Variants in SFMBT1 observed in about 807,000 individuals in gnomAD.
SFMBT1 encodes Scm like with four mbt domains 1.
SFMBT1 carries 32 observed loss-of-function variants against 108.7 expected under a neutral mutation model. That is an observed-to-expected ratio of 0.29 (90% CI 0.22 to 0.40). The LOEUF (loss-of-function observed/expected upper bound fraction) is 0.40, where lower values mean the gene tolerates loss of function less well. Among genes scored for constraint, SFMBT1 ranks in the 10% least tolerant of loss-of-function variants. The pLI, the probability that SFMBT1 is intolerant of heterozygous loss-of-function variation, is 1.00. For missense variants in SFMBT1, 816 were observed against 1,059.6 expected (o/e 0.77, Z 3.19); for synonymous variants, 348 against 369.5 (o/e 0.94, Z 0.67).
Position 52,954,891 on chromosome 3 carries a change from C to G in SFMBT1, c.29-480G>C, listed in dbSNP as rs367551169. ...AAAAAGTGTCATTATCCTTGCCCCC[C>G]TCCCTTTTTCTCCATACCTTATATC... On this transcript the variant is annotated intron_variant, in intron 2 of 20. Coordinates refer to ENST00000394752, the MANE Select transcript of SFMBT1 (RefSeq NM_016329.4). 3.8e-3 allele frequency among the ~76,000 whole-genome samples: 572 copies of G among 151,982 alleles called. 37 individuals carry two copies. In the South Asian group the frequency reaches 0.11, roughly 30 times the overall value.
intron 2 of SFMBT1, among the ~76,000 whole-genome samples, chr3:52,959,176 G>T (rs1043570673): frequency 1.3e-5 from 2 of 152,108 alleles, no homozygotes; most frequent in Non-Finnish European, 2.9e-5. Context: ...TGTATACTGG[G>T]CTTAATACCT....
intron 1 of SFMBT1, among the ~76,000 whole-genome samples, chr3:53,003,357 T>C (rs1219217269): frequency 6.7e-6 from 1 of 149,890 alleles, no homozygotes; most frequent in Non-Finnish European, 1.5e-5. Context: ...GTATTACGGC[T>C]TAAAAAGTCA....
intron 14 of SFMBT1, 48 bp from the exon 15 acceptor site, chr3:52,913,665 C>T: frequency 6.3e-7 from 1 of 1,593,736 alleles, no homozygotes; most frequent in Non-Finnish European, 8.5e-7. Context: ...TTCTCTACCC[C>T]ACGTTTCCAA....
In SFMBT1 at chr3:52,907,639, C is replaced by T. The variant is rs756266832; in HGVS notation, c.2001G>A (p.Arg667=). Residue 667 remains arginine (R), a synonymous_variant, in exon 18 of 21, where the codon AGG becomes AGA. Coordinates refer to ENST00000394752, the MANE Select transcript of SFMBT1 (RefSeq NM_016329.4). ...CAAAAACATTTTTCCGCCTCTTTCT[C>T]CTCTTACTGGCTTTTTTCAGGGCAC... ...LACALKKASK[R]RKRRKNVFVH... 8 of 1,614,204 alleles carry T rather than the reference C, an allele frequency of 5.0e-6. No homozygotes were observed. The highest frequency in any genetic ancestry group is 1.6e-4 in the Middle Eastern group (1 of 6,062).
intron 1 of SFMBT1, among the ~76,000 whole-genome samples, chr3:53,043,747 G>A (rs750530941): frequency 2.3e-4 from 35 of 152,320 alleles, no homozygotes; most frequent in Middle Eastern, 3.4e-3. Flanking sequence ...CCTCAGGACA[G>A]AATTTTAAGT....
intron 1 of SFMBT1, among the ~76,000 whole-genome samples, chr3:52,986,664 T>C (rs1704926249): frequency 6.7e-6 from 1 of 150,164 alleles, no homozygotes; most frequent in Non-Finnish European, 1.5e-5. Flanking sequence ...TAGTCCCAGC[T>C]ACTCGGGAGG....
intron 17 of SFMBT1, among the ~76,000 whole-genome samples, chr3:52,908,158 C>G (rs1038526029): frequency 2.0e-5 from 3 of 150,420 alleles, no homozygotes; most frequent in Non-Finnish European, 3.0e-5. Context: ...ACTGCAACCT[C>G]TGCCTCCCAG....
In SFMBT1 at chr3:53,014,475, AAAAAACAAAACAAAACAAAAC is replaced by A. The variant is rs762186532; in HGVS notation, c.-131+31320_-131+31340del. Reference sequence around the variant, plus strand: ...ACAGAGTGAGAGACCCTGTATTTAAAAAAAACAAAACAAAACAAAACAAAACAAAACAAAACAAAACAAAAC... The same window carrying A: ...ACAGAGTGAGAGACCCTGTATTTAAAAAAACAAAACAAAACAAAACAAAAC... On this transcript the variant is annotated intron_variant, in intron 1 of 20. Transcript: ENST00000394752. Among the ~76,000 whole-genome samples the A allele has an allele frequency of 3.1e-3, 310 of 99,218 alleles. 2 individuals are homozygous for A. Among genetic ancestry groups the A allele is most frequent in the Admixed American group, 7.3e-3 (59 of 8,060 alleles). 65.1% of individuals were successfully genotyped at this position (99,218 alleles called of 152,430 possible).
chr3:52,949,656 G>A (rs766208054), intron 3 of SFMBT1, among the ~76,000 whole-genome samples: 3 of 125,812 alleles, frequency 2.4e-5, no homozygotes, highest in Non-Finnish European at 1.6e-5. Flanking sequence ...TCGGCTCACC[G>A]CAACCTCCGC....
At chr3:52,957,395 C>A (rs1703816625) in intron 2 of SFMBT1, among the ~76,000 whole-genome samples, 1 of 152,174 alleles carries the variant, frequency 6.6e-6, no homozygotes. Context: ...AATGGTCATA[C>A]TACCCAAAGT....
chr3:53,040,967 AATTTTTTTTTTTTTT>A (rs1363736031), intron 1 of SFMBT1, among the ~76,000 whole-genome samples: 3 of 72,882 alleles, frequency 4.1e-5, no homozygotes, highest in Non-Finnish European at 9.1e-5. Flanking sequence ...AAGACACCTG[AATTTTTTTTTTTTTT>A]TTTTTTTTTT....
intron 14 of SFMBT1, among the ~76,000 whole-genome samples, chr3:52,915,823 T>C (rs1406826595): frequency 2.0e-5 from 3 of 152,228 alleles, no homozygotes; most frequent in Non-Finnish European, 4.4e-5. Context: ...CTCTCAACCA[T>C]CTAGCTTAAG....
intron 16 of SFMBT1, among the ~76,000 whole-genome samples, chr3:52,911,738 C>T (rs1559507657): frequency 6.6e-6 from 1 of 152,144 alleles, no homozygotes; most frequent in African/African-American, 2.4e-5. Flanking sequence ...GCTCTGTCAC[C>T]CAGGCTGGAT....
At chr3:53,030,574 C>A (rs535909171) in intron 1 of SFMBT1, among the ~76,000 whole-genome samples, 16 of 149,964 alleles carry the variant, frequency 1.1e-4, no homozygotes, top group African/African-American at 2.2e-4. Flanking sequence ...GTCTTTGTGG[C>A]ACAATTTGAA....
chr3:52,996,329 A>C (rs1698330849), intron 1 of SFMBT1, among the ~76,000 whole-genome samples: 1 of 142,656 alleles, frequency 7.0e-6, no homozygotes, highest in East Asian at 2.1e-4. Flanking sequence ...CTCCTGCCTC[A>C]GACCTGCCAA....
chr3:52,992,080 G>C (rs935427279), intron 1 of SFMBT1, among the ~76,000 whole-genome samples: 2 of 152,142 alleles, frequency 1.3e-5, no homozygotes, highest in African/African-American at 4.8e-5. Flanking sequence ...CCGCCACAAA[G>C]CCTGTCCTTA....
At chr3:52,919,968 C>G (rs574560928) in intron 12 of SFMBT1, among the ~76,000 whole-genome samples, 1 of 152,314 alleles carries the variant, frequency 6.6e-6, no homozygotes, top group South Asian at 2.1e-4. Flanking sequence ...AGGGCAGAAC[C>G]TTCATGATGC....
rs550888849 is a variant in SFMBT1, at chr3:52,903,905, C to T, written c.*1231G>A. ...ACTGAGTTGTTTAAATGGGAATCCT[C>T]GGACTAAAGATTATATTCAATTTAA... is the stretch of plus-strand genomic sequence containing the variant. On this transcript the variant is annotated 3_prime_UTR_variant, in exon 21 of 21. Transcript: ENST00000394752. The T allele has an allele frequency of 2.0e-5, 3 of 152,162 alleles. No homozygotes were observed. Among genetic ancestry groups the T allele is most frequent in the Non-Finnish European group, 4.4e-5 (3 of 68,026 alleles). The allele number at this position is 152,162 out of a possible 1,614,324, so 9.4% of individuals were successfully genotyped here.
chr3:52,928,158 C>G (rs755710768), intron 9 of SFMBT1, 33 bp downstream of exon 9: 13 of 1,594,458 alleles, frequency 8.2e-6, no homozygotes, highest in Non-Finnish European at 1.1e-5. Flanking sequence ...GAGAAGCTCT[C>G]AAGTGACAAT....
Sources: gnomAD v4.1 joint callset for allele counts (sites outside exome capture counted in the v4.1 genomes callset) on GRCh38, gnomAD v4.1.1 for gene constraint, MANE v1.5 for transcripts, NCBI Gene and HGNC (gene_info 2026-07-23, HGNC 2026-07-21) for gene names.